MAPK10: variants seen among roughly 807,000 people sequenced by gnomAD.
MAPK10 encodes JNK3 alpha protein kinase.
A neutral mutation model predicts 59.3 loss-of-function variants in MAPK10; 25 were observed. The ratio of observed to expected loss-of-function variants is 0.42; its 90% CI spans 0.31 to 0.59. The LOEUF (loss-of-function observed/expected upper bound fraction) is 0.59, where lower values mean the gene tolerates loss of function less well. Ranked by LOEUF, MAPK10 falls within the 20% of genes least tolerant of loss-of-function variation. MAPK10 has a pLI of 0.15. For missense variants in MAPK10, 351 were observed against 568.9 expected, an observed-to-expected ratio of 0.62 and a Z score of 3.90; for synonymous variants, 190 against 200.5, an observed-to-expected ratio of 0.95 and a Z score of 0.44.
intron 1 of MAPK10, among the ~76,000 whole-genome samples, chr4:86,359,369 G>A (rs1736290922): frequency 1.4e-5 from 2 of 138,324 alleles, no homozygotes. Context: ...GCCCTGCATT[G>A]GTCTAAAAAC....
intron 1 of MAPK10, among the ~76,000 whole-genome samples, chr4:86,552,502 A>AAGGG (rs1276345907): frequency 3.0e-5 from 1 of 32,964 alleles, no homozygotes; most frequent in Non-Finnish European, 6.4e-5. Flanking sequence ...GGAGGGAAGG[A>AAGGG]AAGGAAGGAA....
At chr4:86,067,358 GGTCT>G (rs1385907459) in intron 10 of MAPK10, among the ~76,000 whole-genome samples, 5 of 151,980 alleles carry the variant, frequency 3.3e-5, no homozygotes, top group Admixed American at 1.3e-4. Flanking sequence ...TGGCCAGGAT[GGTCT>G]GTCTCGATTT....
At chr4:86,561,340 T>C (rs1760662824) in intron 1 of MAPK10, among the ~76,000 whole-genome samples, 1 of 152,180 alleles carries the variant, frequency 6.6e-6, no homozygotes, top group Non-Finnish European at 1.5e-5. Context: ...ATGTGAGTAA[T>C]ATAATGCTTA....
intron 1 of MAPK10, among the ~76,000 whole-genome samples, chr4:86,499,154 A>T (rs1484796520): frequency 6.6e-6 from 1 of 152,212 alleles, no homozygotes; most frequent in Non-Finnish European, 1.5e-5. Flanking sequence ...TCCCAAAATC[A>T]GTGTCTGGGG....
At chr4:86,378,119 A>T (rs2148998730) in intron 1 of MAPK10, among the ~76,000 whole-genome samples, 1 of 152,282 alleles carries the variant, frequency 6.6e-6, no homozygotes, top group Admixed American at 6.5e-5. Context: ...GCCATGTGAT[A>T]ACTTATATTA....
At chr4:86,430,904 C>T (rs1184551051) in intron 1 of MAPK10, among the ~76,000 whole-genome samples, 3 of 152,048 alleles carry the variant, frequency 2.0e-5, no homozygotes, top group African/African-American at 7.2e-5. Flanking sequence ...ATATTTGAGG[C>T]AGTTGTGTGA....
intron 2 of MAPK10, among the ~76,000 whole-genome samples, chr4:86,227,270 G>A (rs757741167): frequency 5.3e-5 from 8 of 152,010 alleles, no homozygotes; most frequent in Non-Finnish European, 7.4e-5. Context: ...GGCAGATCAC[G>A]AGGTCAGGAG....
intron 3 of MAPK10, among the ~76,000 whole-genome samples, chr4:86,186,253 C>T (rs527753265): frequency 1.3e-5 from 2 of 152,072 alleles, no homozygotes; most frequent in South Asian, 2.1e-4. Context: ...AAGTAAATGG[C>T]TAATAAGGGA....
chr4:86,538,692 G>A (rs1407835745), intron 1 of MAPK10, among the ~76,000 whole-genome samples: 1 of 152,028 alleles, frequency 6.6e-6, no homozygotes, highest in Non-Finnish European at 1.5e-5. Flanking sequence ...CATGAACAAG[G>A]TACTCCATAG....
intron 2 of MAPK10, among the ~76,000 whole-genome samples, chr4:86,318,089 G>A (rs181371218): frequency 6.6e-6 from 1 of 152,082 alleles, no homozygotes; most frequent in African/African-American, 2.4e-5. Flanking sequence ...TGGATTTAGG[G>A]GCCCTCTCAA....
rs570404066 is a variant in MAPK10, at chr4:86,219,058, C to A, written c.-6-24651G>T. On this transcript the variant is annotated intron_variant, in intron 2 of 13. Coordinates refer to ENST00000641462, the MANE Select transcript of MAPK10 (RefSeq NM_138982.4). ...TTTTATCCATACATCTCTCCGACTT[C>A]CCCACGTTCCTGTTTCTATTGATAG... Among the ~76,000 whole-genome samples, 12 of 152,318 alleles carry A rather than the reference C, an allele frequency of 7.9e-5. No homozygotes were observed. In the South Asian group the frequency reaches 2.1e-3, roughly 26 times the overall value.
intron 2 of MAPK10, among the ~76,000 whole-genome samples, chr4:86,259,128 C>T (rs2093880761): frequency 6.6e-6 from 1 of 152,080 alleles, no homozygotes; most frequent in African/African-American, 2.4e-5. Context: ...CTTTGCAACT[C>T]CTGCTACATA....
chr4:86,420,453 A>G (rs1206712671), intron 1 of MAPK10, among the ~76,000 whole-genome samples: 4 of 152,170 alleles, frequency 2.6e-5, no homozygotes, highest in Non-Finnish European at 4.4e-5. Context: ...CGGTAACCCA[A>G]TGGACTAATG....
chr4:86,512,044 A>C (rs969906712), intron 1 of MAPK10, among the ~76,000 whole-genome samples: 1 of 152,176 alleles, frequency 6.6e-6, no homozygotes, highest in African/African-American at 2.4e-5. Flanking sequence ...CAAAAATTAC[A>C]TGACATTAAG....
At chr4:86,287,542 T>C (rs1190155025) in intron 2 of MAPK10, among the ~76,000 whole-genome samples, 1 of 152,200 alleles carries the variant, frequency 6.6e-6, no homozygotes, top group African/African-American at 2.4e-5. Flanking sequence ...TAACACACAT[T>C]TCAAAGCATC....
intron 2 of MAPK10, among the ~76,000 whole-genome samples, chr4:86,201,101 G>A (rs998230113): frequency 1.3e-5 from 2 of 151,786 alleles, no homozygotes; most frequent in Admixed American, 6.6e-5. Flanking sequence ...TGCAACATTT[G>A]TCTTTTCATG....
chr4:86,381,883 G>T (rs1178986792), intron 1 of MAPK10, among the ~76,000 whole-genome samples: 1 of 152,080 alleles, frequency 6.6e-6, no homozygotes, highest in African/African-American at 2.4e-5. Flanking sequence ...TTGTGAGGAG[G>T]GGGCACATTC....
At chr4:86,207,592 T>C (rs903376258) in intron 2 of MAPK10, among the ~76,000 whole-genome samples, 1 of 152,156 alleles carries the variant, frequency 6.6e-6, no homozygotes, top group Non-Finnish European at 1.5e-5. Context: ...AGAAAGTCAT[T>C]GGTAGCTTGA....
chr4:86,210,478 T>C (rs2085460867), intron 2 of MAPK10, among the ~76,000 whole-genome samples: 1 of 152,000 alleles, frequency 6.6e-6, no homozygotes, highest in East Asian at 1.9e-4. Flanking sequence ...ATAATAATTA[T>C]ATACATTTAA....
Sources: allele counts gnomAD v4.1 joint callset (sites outside exome capture counted in the v4.1 genomes callset), GRCh38; gene constraint gnomAD v4.1.1; transcripts MANE v1.5; gene names NCBI Gene and HGNC (gene_info 2026-07-23, HGNC 2026-07-21).